RNF145: variants seen among roughly 807,000 people sequenced by gnomAD.
RNF145 encodes ring finger protein 145.
A neutral mutation model predicts 57.3 loss-of-function variants in RNF145; 12 were observed. That is an observed-to-expected ratio of 0.21 (90% CI 0.13 to 0.34). The LOEUF (loss-of-function observed/expected upper bound fraction) is 0.34. Ranked by LOEUF, RNF145 falls within the 10% of genes least tolerant of loss-of-function variation. The pLI, the probability that RNF145 is intolerant of heterozygous loss-of-function variation, is 1.00. For missense variants in RNF145, 429 were observed against 799.0 expected, an observed-to-expected ratio of 0.54 and a Z score of 5.58; for synonymous variants, 262 against 288.3, an observed-to-expected ratio of 0.91 and a Z score of 0.92.
At chr5:159,162,258 C>A (rs1167934217) in intron 9 of RNF145, among the ~76,000 whole-genome samples, 1 of 152,068 alleles carries the variant, frequency 6.6e-6, no homozygotes, top group Non-Finnish European at 1.5e-5. Context: ...AAACACACTC[C>A]AAATAAGCTC....
chr5:159,209,973 G>A (rs1786055918), upstream of RNF145: 1 of 1,442,664 alleles, frequency 6.9e-7, no homozygotes, highest in East Asian at 2.5e-5. Context: ...AAACTCCTTG[G>A]CGTCTGGGAT....
At chr5:159,186,110 G>C (rs1242714628) in intron 3 of RNF145, among the ~76,000 whole-genome samples, 2 of 151,980 alleles carry the variant, frequency 1.3e-5, no homozygotes, top group African/African-American at 2.4e-5. Context: ...CTATAGTCCC[G>C]GCTACTTGGG....
chr5:159,207,876 TA>T (rs775980749), intron 1 of RNF145: 2 of 1,613,912 alleles, frequency 1.2e-6, no homozygotes, highest in Non-Finnish European at 1.7e-6. Flanking sequence ...AGAGAGGAAA[TA>T]AAACTGCTAC....
chr5:159,185,376 A>C (rs960538354), intron 3 of RNF145, among the ~76,000 whole-genome samples: 1 of 152,182 alleles, frequency 6.6e-6, no homozygotes, highest in Non-Finnish European at 1.5e-5. Context: ...ATCCCATCCC[A>C]AACTGTAGAG....
At chr5:159,205,502 G>A (rs1785845434) in intron 1 of RNF145, among the ~76,000 whole-genome samples, 1 of 152,136 alleles carries the variant, frequency 6.6e-6, no homozygotes, top group Non-Finnish European at 1.5e-5. Flanking sequence ...GCATTTTAAT[G>A]TGTATAAGCC....
chr5:159,209,427 G>C lies in RNF145; in HGVS notation c.-236C>G. On this transcript the variant is annotated 5_prime_UTR_variant, in exon 1 of 11. Transcript: ENST00000424310. ...AGGCGGAGGCAGCGGCAGCGGCAGC[G>C]GCCCGGCCCGTACGGTCACCATCGT... 1.0e-6 allele frequency: 1 copy of C among 985,204 alleles called. No individual in the cohort carries two copies. The highest frequency in any genetic ancestry group is 1.2e-6 in the Non-Finnish European group (1 of 829,178). The allele number at this position is 985,204 out of a possible 1,614,324, so 61.0% of individuals were successfully genotyped here.
intron 1 of RNF145, chr5:159,207,818 A>AG (rs769596634): frequency 6.2e-7 from 1 of 1,614,212 alleles, no homozygotes; most frequent in Non-Finnish European, 8.5e-7. Flanking sequence ...CCGCAAAGAC[A>AG]GGGAGTCTAC....
chr5:159,198,239 CTAAATAAATAAA>C (rs10565309), intron 2 of RNF145, among the ~76,000 whole-genome samples: 22,406 of 146,964 alleles, frequency 0.15, 1,822 homozygotes, highest in Non-Finnish European at 0.19. Flanking sequence ...GACTCTATCT[CTAAATAAATAAA>C]TAAATAAATA....
intron 9 of RNF145, among the ~76,000 whole-genome samples, chr5:159,162,317 A>G (rs1784243236): frequency 6.6e-6 from 1 of 152,218 alleles, no homozygotes; most frequent in Non-Finnish European, 1.5e-5. Flanking sequence ...TGTCAATTTA[A>G]GATTTATATG....
intron 2 of RNF145, among the ~76,000 whole-genome samples, chr5:159,196,699 TA>T (rs1332924033): frequency 6.6e-6 from 1 of 152,210 alleles, no homozygotes; most frequent in East Asian, 1.9e-4. Context: ...CTTTATTTCT[TA>T]AAATAATTTC....
chr5:159,177,343 A>G (rs1177447940), intron 4 of RNF145, among the ~76,000 whole-genome samples: 1 of 152,064 alleles, frequency 6.6e-6, no homozygotes, highest in Non-Finnish European at 1.5e-5. Flanking sequence ...TTATTTTTGG[A>G]GGGCCAAGTA....
chr5:159,188,607 G>A (rs1035500482), intron 3 of RNF145, among the ~76,000 whole-genome samples: 1 of 152,092 alleles, frequency 6.6e-6, no homozygotes, highest in East Asian at 1.9e-4. Context: ...CCCTCAAAAC[G>A]CCAAGGAAGA....
chr5:159,167,851 G>T (rs1487544144), intron 8 of RNF145, among the ~76,000 whole-genome samples: 1 of 151,962 alleles, frequency 6.6e-6, no homozygotes, highest in Non-Finnish European at 1.5e-5. Context: ...TGTGTTATGG[G>T]GATACAAAGA....
intron 9 of RNF145, among the ~76,000 whole-genome samples, chr5:159,162,091 T>G (rs1194101142): frequency 6.6e-6 from 1 of 152,200 alleles, no homozygotes; most frequent in Non-Finnish European, 1.5e-5. Context: ...AGATCTTCCT[T>G]TAAGTTACAA....
intron 4 of RNF145, 143 bp downstream of exon 4, chr5:159,181,815 ACC>A: frequency 1.9e-6 from 1 of 528,986 alleles, no homozygotes. Flanking sequence ...AAAAAAAACC[ACC>A]AAACAATGGG....
chr5:159,162,182 A>C lies in RNF145; in HGVS notation c.1270-560T>G, dbSNP rs1784238059. Among the ~76,000 whole-genome samples the C allele has an allele frequency of 2.0e-5, 3 of 152,212 alleles. No homozygotes were observed. In the South Asian group the frequency reaches 6.2e-4, roughly 31 times the overall value. Reference sequence around the variant, plus strand: ...TCATGTCTGTATGTGTGCAATACACACACATCATATACATATATATTTATA... The same window carrying C: ...TCATGTCTGTATGTGTGCAATACACCCACATCATATACATATATATTTATA... On this transcript the variant is annotated intron_variant, in intron 9 of 10. Coordinates refer to ENST00000424310, the MANE Select transcript of RNF145 (RefSeq NM_001199383.2).
intron 3 of RNF145, 88 bp downstream of exon 3, chr5:159,194,623 GCTTTA>G (rs1221905092): frequency 3.7e-6 from 3 of 811,652 alleles, no homozygotes; most frequent in Non-Finnish European, 4.2e-6. Context: ...CAAAGCCTTA[GCTTTA>G]CTTAACAGTG....
intron 4 of RNF145, among the ~76,000 whole-genome samples, chr5:159,180,707 T>C (rs935201392): frequency 1.2e-4 from 18 of 152,194 alleles, no homozygotes; most frequent in Admixed American, 3.3e-4. Flanking sequence ...CATCATCATA[T>C]AGACATTCAA....
At position 159,209,422 on chromosome 5, in the gene RNF145, G is replaced by A; in HGVS notation, c.-231C>T. ...TGGGGAGGCGGAGGCAGCGGCAGCG[G>A]CAGCGGCCCGGCCCGTACGGTCACC... On this transcript the variant is annotated 5_prime_UTR_variant, in exon 1 of 11. Transcript: ENST00000424310. 1 of 985,546 alleles carries A rather than the reference G, an allele frequency of 1.0e-6. No individual in the cohort carries two copies. Among genetic ancestry groups the A allele is most frequent in the Non-Finnish European group, 1.2e-6 (1 of 829,390 alleles). The allele number at this position is 985,546 out of a possible 1,614,324, so 61.1% of individuals were successfully genotyped here. A position where few individuals can be genotyped will look rare whatever the true frequency, so the allele number is the denominator to read the frequency against.
Sources: allele counts gnomAD v4.1 joint callset (sites outside exome capture counted in the v4.1 genomes callset), GRCh38; gene constraint gnomAD v4.1.1; transcripts MANE v1.5; gene names NCBI Gene and HGNC (gene_info 2026-07-23, HGNC 2026-07-21).